ERC1: variants seen among roughly 807,000 people sequenced by gnomAD.
ERC1 encodes the protein ELKS/RAB6-interacting/CAST family member 1.
ERC1 carries 56 observed loss-of-function variants against 132.0 expected under a neutral mutation model. The observed-to-expected ratio is 0.42, with a 90% CI of 0.34 to 0.53. ERC1 has a LOEUF of 0.53. ERC1 is among the 20% of genes least tolerant of loss of function. ERC1 has a pLI of 0.03. For missense variants in ERC1, 1,202 were observed against 1,349.9 expected (o/e 0.89, Z 1.72); for synonymous variants, 478 against 476.1 (o/e 1.00, Z -0.05).
In ERC1 at chr12:1,028,679, C is replaced by T. The variant is rs990364156; in HGVS notation, c.669+107C>T. ...TTTCCCTTCGTAGTATATGTATCTT[C>T]CTTTTTCCTATTGATTTTACTGTTT... On this transcript the variant is annotated intron_variant, in intron 2 of 18. Coordinates refer to ENST00000360905, the MANE Select transcript of ERC1 (RefSeq NM_178040.4). 4.4e-6 allele frequency: 4 copies of T among 918,212 alleles called. No individual in the cohort carries two copies. In the African/African-American group the frequency reaches 5.0e-5, roughly 12 times the overall value. 56.9% of individuals were successfully genotyped at this position (918,212 alleles called of 1,614,324 possible).
At chr12:1,269,847 C>T (rs1055113312) in intron 14 of ERC1, among the ~76,000 whole-genome samples, 1 of 152,190 alleles carries the variant, frequency 6.6e-6, no homozygotes, top group Non-Finnish European at 1.5e-5. Context: ...TTCTGCACCC[C>T]TCACTTGACA....
intron 17 of ERC1, among the ~76,000 whole-genome samples, chr12:1,409,783 A>G (rs1284390716): frequency 6.6e-6 from 1 of 152,136 alleles, no homozygotes; most frequent in Non-Finnish European, 1.5e-5. Flanking sequence ...ATCTCAGCTC[A>G]CTGCAACCTA....
At chr12:1,304,270 C>T (rs959007714) in intron 15 of ERC1, among the ~76,000 whole-genome samples, 32 of 152,104 alleles carry the variant, frequency 2.1e-4, no homozygotes, top group African/African-American at 7.7e-4. Context: ...GATTTTTGTC[C>T]TCAGGCTGGT....
chr12:1,478,463 G>A (rs1187724280), intron 18 of ERC1, among the ~76,000 whole-genome samples: 1 of 152,084 alleles, frequency 6.6e-6, no homozygotes, highest in African/African-American at 2.4e-5. Flanking sequence ...CTTCTCCTGT[G>A]GACTGCCCTT....
intron 15 of ERC1, among the ~76,000 whole-genome samples, chr12:1,336,933 G>A (rs1464444189): frequency 6.6e-6 from 1 of 152,154 alleles, no homozygotes; most frequent in African/African-American, 2.4e-5. Context: ...CAGTAGCTGG[G>A]ACTACAGGCA....
At chr12:1,196,961 CAT>C (rs1298930775) in intron 12 of ERC1, among the ~76,000 whole-genome samples, 256 of 17,914 alleles carry the variant, frequency 0.014, 7 homozygotes, top group East Asian at 0.026. Flanking sequence ...CACACACACA[CAT>C]ATATATATAT....
intron 13 of ERC1, among the ~76,000 whole-genome samples, chr12:1,242,418 A>G (rs1418805028): frequency 6.6e-6 from 1 of 152,238 alleles, no homozygotes; most frequent in Non-Finnish European, 1.5e-5. Context: ...TAAGGAATAT[A>G]AAATATTTTC....
At chr12:1,107,598 G>A (rs1945399439) in intron 4 of ERC1, among the ~76,000 whole-genome samples, 1 of 152,066 alleles carries the variant, frequency 6.6e-6, no homozygotes, top group Admixed American at 6.6e-5. Flanking sequence ...TGCAATTAAG[G>A]GCGTCAAAGA....
chr12:1,176,669 C>G (rs1953764706), intron 8 of ERC1, among the ~76,000 whole-genome samples: 1 of 151,972 alleles, frequency 6.6e-6, no homozygotes, highest in Non-Finnish European at 1.5e-5. Context: ...CAACCTCTGC[C>G]TTTTGGGTTC....
chr12:1,196,219 T>C (rs887010108), intron 12 of ERC1, among the ~76,000 whole-genome samples: 3 of 152,144 alleles, frequency 2.0e-5, no homozygotes, highest in African/African-American at 4.8e-5. Context: ...TCTTTTGTTG[T>C]AGTCCTCTTT....
intron 18 of ERC1, among the ~76,000 whole-genome samples, chr12:1,470,723 C>G (rs1342792334): frequency 6.6e-6 from 1 of 152,198 alleles, no homozygotes; most frequent in East Asian, 1.9e-4. Flanking sequence ...GATTAAAAAT[C>G]TGCCTCACTG....
rs147152401 is a variant in ERC1 at position 1,446,444 on chromosome 12, A to G, written c.3213+1694A>G. 6.0e-3 allele frequency among the ~76,000 whole-genome samples: 916 copies of G among 152,326 alleles called. 3 individuals carry two copies. The highest frequency in any genetic ancestry group is 0.01 in the Admixed American group (155 of 15,302). ...ATATTCCTTACCCCCTATAGATTCAATCATACCAACAGAAGGCTAAAGAAA... is the reference window on the plus strand; with the variant it reads ...ATATTCCTTACCCCCTATAGATTCAGTCATACCAACAGAAGGCTAAAGAAA... On this transcript the variant is annotated intron_variant, in intron 18 of 18. Coordinates refer to ENST00000360905, the MANE Select transcript of ERC1 (RefSeq NM_178040.4).
At position 1,487,612 on chromosome 12, in the gene ERC1, T is replaced by G. The variant is rs371015199; in HGVS notation, c.3214-2481T>G. ...GTACACATCTGTAATCCCAGCTACT[T>G]AAGAGGCTGCAGCAGGAAGATCACA... On this transcript the variant is annotated intron_variant, in intron 18 of 18. Coordinates refer to ENST00000360905, the MANE Select transcript of ERC1 (RefSeq NM_178040.4). 2.6e-5 allele frequency among the ~76,000 whole-genome samples: 4 copies of G among 151,124 alleles called. No individual in the cohort carries two copies. The East Asian group carries it at 7.8e-4, about 29-fold the overall frequency.
intron 1 of ERC1, among the ~76,000 whole-genome samples, chr12:1,019,289 A>G (rs1965975399): frequency 6.6e-6 from 1 of 152,060 alleles, no homozygotes; most frequent in Admixed American, 6.6e-5. Context: ...TGGCCCAGCT[A>G]ATTTTTTGTA....
chr12:1,230,846 G>A (rs548925506), intron 12 of ERC1, among the ~76,000 whole-genome samples: 73 of 152,244 alleles, frequency 4.8e-4, no homozygotes, highest in African/African-American at 1.7e-3. Context: ...TCTTGTGACT[G>A]AAAGTCTATT....
chr12:1,119,502 ACTT>A (rs911802703), intron 7 of ERC1, among the ~76,000 whole-genome samples: 2 of 135,764 alleles, frequency 1.5e-5, no homozygotes, highest in Admixed American at 7.2e-5. Context: ...GAGTTACTTT[ACTT>A]CTTCTTTGTG....
At chr12:1,153,909 TG>T (rs1951066831) in intron 8 of ERC1, among the ~76,000 whole-genome samples, 5 of 152,190 alleles carry the variant, frequency 3.3e-5, no homozygotes, top group African/African-American at 1.2e-4. Context: ...TTTATTCGTT[TG>T]GAGTAGTTTG....
chr12:1,169,377 G>A (rs1322974836), intron 8 of ERC1, among the ~76,000 whole-genome samples: 1 of 152,162 alleles, frequency 6.6e-6, no homozygotes, highest in Non-Finnish European at 1.5e-5. Flanking sequence ...ATCCTTATGA[G>A]GTGCCATGGT....
At chr12:1,064,595 T>C (rs949432080) in intron 2 of ERC1, among the ~76,000 whole-genome samples, 4 of 152,168 alleles carry the variant, frequency 2.6e-5, no homozygotes, top group African/African-American at 9.7e-5. Context: ...GGTCTTGCTA[T>C]GTTGCCCAGG....
Sources: gnomAD v4.1 joint callset for allele counts (sites outside exome capture counted in the v4.1 genomes callset) on GRCh38, gnomAD v4.1.1 for gene constraint, MANE v1.5 for transcripts, NCBI Gene and HGNC (gene_info 2026-07-23, HGNC 2026-07-21) for gene names.